The following MAGI1 variants were observed in gnomAD, a reference collection of about 807,000 sequenced individuals.
MAGI1 encodes the protein membrane-associated guanylate kinase, WW and PDZ domain-containing protein 1.
Under a neutral mutation model 139.9 loss-of-function variants are expected in MAGI1, and 58 were observed. The ratio of observed to expected loss-of-function variants is 0.41; its 90% confidence interval spans 0.34 to 0.52. MAGI1 has a LOEUF of 0.52. MAGI1 is among the 20% of genes least tolerant of loss of function. The probability of loss-of-function intolerance (pLI) is 0.12; values close to 1 mark genes in which losing one functional copy is unlikely to be tolerated. For missense variants in MAGI1, 1,874 were observed against 1,901.6 expected, an observed-to-expected ratio of 0.99 and a Z score of 0.27; for synonymous variants, 812 against 737.9, an observed-to-expected ratio of 1.10 and a Z score of -1.63.
At chr3:65,620,735 T>C (rs1350683673) in intron 2 of MAGI1, among the ~76,000 whole-genome samples, 2 of 152,214 alleles carry the variant, frequency 1.3e-5, no homozygotes, top group East Asian at 3.9e-4. Context: ...CTCCGTCAAA[T>C]GCAGCTTAGC....
intron 1 of MAGI1, among the ~76,000 whole-genome samples, chr3:65,810,455 T>C (rs535998579): frequency 6.6e-6 from 1 of 152,342 alleles, no homozygotes; most frequent in East Asian, 1.9e-4. Flanking sequence ...AGTAATTCCA[T>C]TACAGTGTTG....
At chr3:65,401,532 T>C (rs1944895508) in intron 12 of MAGI1, 62 bp from the exon 13 acceptor site, 1 of 1,587,250 alleles carries the variant, frequency 6.3e-7, no homozygotes, top group African/African-American at 1.3e-5. Context: ...AATGTTACCT[T>C]TTCCTTAAAG....
intron 1 of MAGI1, among the ~76,000 whole-genome samples, chr3:65,986,161 T>C (rs530450323): frequency 2.6e-5 from 4 of 152,168 alleles, no homozygotes; most frequent in Non-Finnish European, 5.9e-5. Context: ...ACAGGCATGT[T>C]TGCAACATCA....
At chr3:65,407,516 T>C (rs1945448817) in intron 12 of MAGI1, among the ~76,000 whole-genome samples, 1 of 151,204 alleles carries the variant, frequency 6.6e-6, no homozygotes, top group African/African-American at 2.4e-5. Context: ...ATGTGTTATA[T>C]CAATACGATG....
intron 1 of MAGI1, among the ~76,000 whole-genome samples, chr3:65,710,306 G>C (rs1293774207): frequency 1.1e-5 from 1 of 87,594 alleles, no homozygotes; most frequent in Non-Finnish European, 2.1e-5. Context: ...TTGAGACAGA[G>C]TTTTGCCCTT....
chr3:65,971,174 G>C (rs1443784497), intron 1 of MAGI1, among the ~76,000 whole-genome samples: 1 of 152,228 alleles, frequency 6.6e-6, no homozygotes, highest in Non-Finnish European at 1.5e-5. Flanking sequence ...CTGCACTCCA[G>C]CCTGGAAACA....
intron 2 of MAGI1, among the ~76,000 whole-genome samples, chr3:65,559,627 A>T (rs1402802471): frequency 6.6e-6 from 1 of 152,172 alleles, no homozygotes; most frequent in Non-Finnish European, 1.5e-5. Context: ...TAATCAGTCC[A>T]CACTCCTACA....
chr3:65,533,037 A>G (rs757900664), intron 2 of MAGI1: 1 of 152,172 alleles, frequency 6.6e-6, no homozygotes, highest in South Asian at 2.1e-4. Context: ...GCCTCCTTCC[A>G]CCTAAAGATA....
Position 65,505,666 on chromosome 3 carries a change from ATAG to A in MAGI1, c.431-12038_431-12036del, listed in dbSNP as rs1403613131. The stretch of plus-strand genomic sequence containing the variant: ...AATAATAATAATAATAATAATAATA[ATAG>A]GGAATGACTGCTAATAGCTACATGG... On this transcript the variant is annotated intron_variant, in intron 2 of 22. Coordinates refer to ENST00000402939, the MANE Select transcript of MAGI1 (RefSeq NM_001033057.2). Among the ~76,000 whole-genome samples the A allele has an allele frequency of 1.1e-3, 163 of 148,862 alleles. 1 individual carries two copies. Among genetic ancestry groups the A allele is most frequent in the African/African-American group, 3.7e-3 (150 of 40,082 alleles).
rs556325094 is a variant in MAGI1 at position 65,884,204 on chromosome 3, G to A, written c.313+153792C>T. On this transcript the variant is annotated intron_variant, in intron 1 of 22. Coordinates refer to ENST00000402939, the MANE Select transcript of MAGI1 (RefSeq NM_001033057.2). ...ATGTAACAGAAAGAAAAACACGTCC[G>A]AATAAAGCCTACCAACTCTCTCCAC... is the stretch of plus-strand genomic sequence containing the variant. 7.2e-5 allele frequency among the ~76,000 whole-genome samples: 11 copies of A among 152,254 alleles called. No individual in the cohort carries two copies. In the South Asian group the frequency reaches 1.7e-3, roughly 23 times the overall value.
chr3:65,391,983 A>G (rs973594803), intron 13 of MAGI1, among the ~76,000 whole-genome samples: 17 of 152,198 alleles, frequency 1.1e-4, no homozygotes, highest in African/African-American at 3.1e-4. Flanking sequence ...TAGCTAATCA[A>G]TTTGGCAAGC....
chr3:65,821,073 C>T (rs1262869848), intron 1 of MAGI1, among the ~76,000 whole-genome samples: 1 of 151,948 alleles, frequency 6.6e-6, no homozygotes, highest in African/African-American at 2.4e-5. Flanking sequence ...TAAAGTAAAT[C>T]TAGGAGGCTC....
intron 1 of MAGI1, among the ~76,000 whole-genome samples, chr3:65,831,543 A>G (rs971103562): frequency 1.4e-4 from 22 of 152,174 alleles, no homozygotes; most frequent in African/African-American, 4.6e-4. Context: ...TTAATCCATA[A>G]AGGAGATTTG....
chr3:65,689,612 A>G (rs2088391432), intron 1 of MAGI1, among the ~76,000 whole-genome samples: 1 of 152,202 alleles, frequency 6.6e-6, no homozygotes, highest in African/African-American at 2.4e-5. Context: ...CAGACAAGGA[A>G]AACTCCTGGG....
intron 1 of MAGI1, among the ~76,000 whole-genome samples, chr3:65,981,554 A>G (rs1427678466): frequency 1.3e-5 from 2 of 152,198 alleles, no homozygotes; most frequent in Non-Finnish European, 2.9e-5. Flanking sequence ...TGTATTAGAT[A>G]TATGTGGTTA....
intron 1 of MAGI1, among the ~76,000 whole-genome samples, chr3:65,963,021 A>G (rs2064527610): frequency 6.7e-6 from 1 of 149,932 alleles, no homozygotes; most frequent in Admixed American, 6.6e-5. Flanking sequence ...TTGTTCAGAG[A>G]GTTCTGCTGT....
Position 65,395,226 on chromosome 3 carries a change from C to G in MAGI1, c.2200-3868G>C, listed in dbSNP as rs116630581. Among the ~76,000 whole-genome samples, 1,473 of 152,098 alleles carry G rather than the reference C, an allele frequency of 9.7e-3. 24 individuals are homozygous for G. The highest frequency in any genetic ancestry group is 0.033 in the African/African-American group (1,384 of 41,478). ...TTGAAATTTATCCCTGGGAATGTAT[C>G]TAAGTGTGTGTATACATAGTGTGTG... On this transcript the variant is annotated intron_variant, in intron 13 of 22. Coordinates refer to ENST00000402939, the MANE Select transcript of MAGI1 (RefSeq NM_001033057.2).
chr3:65,936,615 G>GAT (rs1277527281), intron 1 of MAGI1, among the ~76,000 whole-genome samples: 1 of 151,322 alleles, frequency 6.6e-6, no homozygotes, highest in Non-Finnish European at 1.5e-5. Context: ...ATCTTATGTA[G>GAT]ATATATATAT....
chr3:65,386,344 C>A (rs1157729231), intron 14 of MAGI1, among the ~76,000 whole-genome samples: 1 of 151,936 alleles, frequency 6.6e-6, no homozygotes, highest in African/African-American at 2.4e-5. Flanking sequence ...TGCCCACTGA[C>A]ACTAGGGATG....
Sources: allele counts gnomAD v4.1 joint callset (sites outside exome capture counted in the v4.1 genomes callset), GRCh38; gene constraint gnomAD v4.1.1; transcripts MANE v1.5; gene names NCBI Gene and HGNC (gene_info 2026-07-23, HGNC 2026-07-21).